Variants in ADAMTSL1 observed in about 807,000 individuals in gnomAD.
ADAMTSL1 encodes the protein ADAMTS-like protein 1.
In ADAMTSL1, 126 loss-of-function variants were observed where a neutral mutation model predicts 201.8. That is an observed-to-expected ratio of 0.62 (90% CI 0.54 to 0.72). ADAMTSL1 has a LOEUF of 0.72. Ranked by LOEUF, ADAMTSL1 falls within the 30% of genes least tolerant of loss-of-function variation. The pLI, the probability that ADAMTSL1 is intolerant of heterozygous loss-of-function variation, is 0.00. For synonymous variants in ADAMTSL1, 1,121 were observed against 903.4 expected (o/e 1.24, Z -4.32); for missense variants, 2,679 against 2,277.8 (o/e 1.18, Z -3.59).
intron 2 of ADAMTSL1, among the ~76,000 whole-genome samples, chr9:18,283,805 G>A (rs1056718231): frequency 1.5e-4 from 22 of 149,914 alleles, no homozygotes; most frequent in African/African-American, 3.9e-4. Flanking sequence ...CCAGCTACTC[G>A]GGAGGCTGAG....
chr9:18,546,318 A>G (rs1000344352), intron 3 of ADAMTSL1, among the ~76,000 whole-genome samples: 1 of 151,988 alleles, frequency 6.6e-6, no homozygotes, highest in Non-Finnish European at 1.5e-5. Context: ...TTTCATTATT[A>G]TTGGTTTTTT....
At chr9:18,719,016 C>T (rs530441769) in intron 14 of ADAMTSL1, among the ~76,000 whole-genome samples, 2 of 152,200 alleles carry the variant, frequency 1.3e-5, no homozygotes, top group Non-Finnish European at 2.9e-5. Flanking sequence ...CCAGTGACTT[C>T]TCATCACTAC....
At position 17,991,551 on chromosome 9, in the gene ADAMTSL1, G is replaced by A. The variant is rs558505109; in HGVS notation, c.87+84629G>A. On this transcript the variant is annotated intron_variant, in intron 1 of 29. Transcript: ENST00000680146. ...GGCTTTGTCTTCTAAGGGGTGAATG[G>A]TTTTGGTATAGTTCAAGTCTTTCAG... 5.9e-5 allele frequency among the ~76,000 whole-genome samples: 9 copies of A among 152,184 alleles called. No individual in the cohort carries two copies. In the East Asian group the frequency reaches 1.8e-3, roughly 30 times the overall value.
chr9:18,810,922 A>G (rs924874950), intron 20 of ADAMTSL1, among the ~76,000 whole-genome samples: 2 of 151,196 alleles, frequency 1.3e-5, no homozygotes, highest in African/African-American at 2.4e-5. Flanking sequence ...CTTGGAAATC[A>G]AACTGTAAAT....
At chr9:17,926,662 CCAAT>C (rs1472031301) in intron 1 of ADAMTSL1, among the ~76,000 whole-genome samples, 1 of 152,152 alleles carries the variant, frequency 6.6e-6, no homozygotes, top group African/African-American at 2.4e-5. Context: ...ATACTATTGG[CCAAT>C]CAAATTCAAG....
At chr9:18,549,339 A>T (rs186161593) in intron 3 of ADAMTSL1, among the ~76,000 whole-genome samples, 2 of 152,186 alleles carry the variant, frequency 1.3e-5, no homozygotes, top group East Asian at 3.9e-4. Flanking sequence ...TGAATGGAAC[A>T]TAACTGTCAG....
rs114903498 is a variant in ADAMTSL1, at chr9:18,267,615, A to G, written c.207+103634A>G. Among the ~76,000 whole-genome samples, 1,417 of 152,288 alleles carry G rather than the reference A, an allele frequency of 9.3e-3. 21 individuals are homozygous for G. Among genetic ancestry groups the G allele is most frequent in the African/African-American group, 0.033 (1,366 of 41,568 alleles). ...GCACTCTACGAAAACTGAAGAAAGA[A>G]TAGACAGAATTCTATTGATAAGTGT... On this transcript the variant is annotated intron_variant, in intron 2 of 29. Transcript: ENST00000680146.
chr9:18,501,340 G>T (rs1048378737), intron 1 of ADAMTSL1, among the ~76,000 whole-genome samples: 1 of 151,762 alleles, frequency 6.6e-6, no homozygotes, highest in East Asian at 1.9e-4. Flanking sequence ...GCGAAACCTC[G>T]TCTCTATGAA....
At chr9:18,311,187 C>T (rs1244117319) in intron 2 of ADAMTSL1, among the ~76,000 whole-genome samples, 4 of 151,518 alleles carry the variant, frequency 2.6e-5, no homozygotes, top group Non-Finnish European at 5.9e-5. Flanking sequence ...GGGAACATCA[C>T]ATACTGAGGC....
At chr9:18,655,530 G>A (rs1828575562) in intron 7 of ADAMTSL1, among the ~76,000 whole-genome samples, 1 of 151,982 alleles carries the variant, frequency 6.6e-6, no homozygotes, top group South Asian at 2.1e-4. Flanking sequence ...GTATTATGAT[G>A]TTATATCCTC....
chr9:18,326,432 T>TAAAAA (rs35508872), intron 2 of ADAMTSL1, among the ~76,000 whole-genome samples: 64 of 146,650 alleles, frequency 4.4e-4, no homozygotes, highest in African/African-American at 1.6e-3. Context: ...ATTTTTTACC[T>TAAAAA]AAAAAAAAAA....
At chr9:18,054,092 C>G (rs541436984) in intron 1 of ADAMTSL1, among the ~76,000 whole-genome samples, 1 of 151,950 alleles carries the variant, frequency 6.6e-6, no homozygotes, top group East Asian at 1.9e-4. Context: ...ACTATTTGCC[C>G]ATATCTTTTA....
At chr9:17,997,536 G>A (rs60147301) in intron 1 of ADAMTSL1, among the ~76,000 whole-genome samples, 8,190 of 151,988 alleles carry the variant, frequency 0.054, 413 homozygotes, top group African/African-American at 0.13. Context: ...TTCTAAGTTC[G>A]TGGCTCTGCT....
intron 2 of ADAMTSL1, among the ~76,000 whole-genome samples, chr9:18,369,845 C>A (rs566531513): frequency 6.6e-6 from 1 of 152,230 alleles, no homozygotes; most frequent in South Asian, 2.1e-4. Context: ...TCTTTTGCAG[C>A]AACATTTTGC....
Position 17,911,171 on chromosome 9 carries a change from A to G in ADAMTSL1, c.87+4249A>G, listed in dbSNP as rs1028353268. Among the ~76,000 whole-genome samples, 3 of 68,542 alleles carry G rather than the reference A, an allele frequency of 4.4e-5. 1 individual carries two copies. Among genetic ancestry groups the G allele is most frequent in the African/African-American group, 8.8e-5 (3 of 33,980 alleles). The allele number at this position is 68,542 out of a possible 152,430, so 45.0% of individuals were successfully genotyped here. ...AGGGGTTATTTCCCTTTCTCTTCTG[A>G]CTGAATTACACTTCTTAAAGGATTC... On this transcript the variant is annotated intron_variant, in intron 1 of 29. Coordinates refer to the ADAMTSL1 transcript ENST00000680146.
rs543777374 is a variant in ADAMTSL1, at chr9:17,937,595, C to G, written c.87+30673C>G. Among the ~76,000 whole-genome samples the G allele has an allele frequency of 2.0e-5, 3 of 152,072 alleles. No homozygotes were observed. In the South Asian group the frequency reaches 6.3e-4, roughly 32 times the overall value. On this transcript the variant is annotated intron_variant, in intron 1 of 29. Transcript: ENST00000680146. The stretch of plus-strand genomic sequence containing the variant: ...TAACCCTTTTTAGATGGAGGGGAGA[C>G]TTGCTATGCTTGTTGATTTAAATTC...
intron 1 of ADAMTSL1, among the ~76,000 whole-genome samples, chr9:17,940,290 A>T (rs542008214): frequency 1.3e-5 from 2 of 152,112 alleles, no homozygotes; most frequent in Non-Finnish European, 2.9e-5. Context: ...AACTGCAGAG[A>T]TGATTTGGGA....
intron 2 of ADAMTSL1, among the ~76,000 whole-genome samples, chr9:18,232,695 C>T (rs1830690630): frequency 1.3e-5 from 2 of 152,092 alleles, no homozygotes; most frequent in South Asian, 2.1e-4. Context: ...CTGAATCATT[C>T]TGACAAATAG....
intron 2 of ADAMTSL1, among the ~76,000 whole-genome samples, chr9:18,343,869 A>G (rs1387252505): frequency 1.3e-5 from 2 of 152,070 alleles, no homozygotes; most frequent in South Asian, 2.1e-4. Context: ...TATTATCAAA[A>G]CAGCTTTATG....
Sources: gnomAD v4.1 joint callset for allele counts (sites outside exome capture counted in the v4.1 genomes callset) on GRCh38, gnomAD v4.1.1 for gene constraint, MANE v1.5 for transcripts, NCBI Gene and HGNC (gene_info 2026-07-23, HGNC 2026-07-21) for gene names.